The following PPM1H variants were observed in gnomAD, a reference collection of about 807,000 sequenced individuals.
PPM1H encodes protein phosphatase, Mg2+/Mn2+ dependent 1H, also known as protein phosphatase 1H.
A neutral mutation model predicts 54.9 loss-of-function variants in PPM1H; 27 were observed. The ratio of observed to expected loss-of-function variants is 0.49; its 90% CI spans 0.36 to 0.68. The LOEUF (loss-of-function observed/expected upper bound fraction) is 0.68. Ranked by LOEUF, PPM1H falls within the 30% of genes least tolerant of loss-of-function variation. The pLI, the probability that PPM1H is intolerant of heterozygous loss-of-function variation, is 0.00. For missense variants in PPM1H, 596 were observed against 667.8 expected, an observed-to-expected ratio of 0.89 and a Z score of 1.19; for synonymous variants, 305 against 270.8, an observed-to-expected ratio of 1.13 and a Z score of -1.24.
At chr12:62,742,584 C>T (rs2076387850) in intron 4 of PPM1H, among the ~76,000 whole-genome samples, 2 of 152,198 alleles carry the variant, frequency 1.3e-5, no homozygotes, top group Non-Finnish European at 2.9e-5. Flanking sequence ...CACAGGACCC[C>T]TGTACTTCCT....
At chr12:62,837,056 G>C (rs1868523226) in intron 1 of PPM1H, among the ~76,000 whole-genome samples, 1 of 152,102 alleles carries the variant, frequency 6.6e-6, no homozygotes. Flanking sequence ...TACTTAAAAG[G>C]AGCAAATGAT....
chr12:62,692,418 CAAG>C (rs2076088253), intron 7 of PPM1H, among the ~76,000 whole-genome samples: 1 of 152,272 alleles, frequency 6.6e-6, no homozygotes, highest in African/African-American at 2.4e-5. Context: ...TATAAACTTC[CAAG>C]AATACATCAT....
In PPM1H at chr12:62,934,805, G is replaced by A. The variant is rs535051249; in HGVS notation, c.-69C>T. 7 of 1,323,368 alleles carry A rather than the reference G, an allele frequency of 5.3e-6. No homozygotes were observed. The highest frequency in any genetic ancestry group is 4.9e-5 in the South Asian group (2 of 40,712). 82.0% of individuals were successfully genotyped at this position (1,323,368 alleles called of 1,614,324 possible). Reference sequence around the variant, plus strand: ...GGGGGCCGGGCAAGGCGCAGCGCGGGGCATGCAGGCTGCGGTGGGCGCCGG... The same window carrying A: ...GGGGGCCGGGCAAGGCGCAGCGCGGAGCATGCAGGCTGCGGTGGGCGCCGG... On this transcript the variant is annotated 5_prime_UTR_variant, in exon 1 of 10. Transcript: ENST00000228705. The surrounding 1 kb of genome is among the most constrained non-coding windows in gnomAD (Gnocchi z 4.2).
chr12:62,893,111 T>C (rs1027739209), intron 1 of PPM1H, among the ~76,000 whole-genome samples: 2 of 152,192 alleles, frequency 1.3e-5, no homozygotes, highest in Non-Finnish European at 2.9e-5. Flanking sequence ...GAGCTAAGGA[T>C]AGCTTTCATA....
At chr12:62,764,920 T>C (rs2076532181) in intron 4 of PPM1H, among the ~76,000 whole-genome samples, 1 of 152,184 alleles carries the variant, frequency 6.6e-6, no homozygotes, top group Admixed American at 6.5e-5. Context: ...TGTGAGGAGC[T>C]GGACAAAGCC....
intron 1 of PPM1H, among the ~76,000 whole-genome samples, chr12:62,883,928 A>G (rs1179879945): frequency 7.0e-6 from 1 of 143,614 alleles, no homozygotes; most frequent in Non-Finnish European, 1.5e-5. Context: ...TATTTCTTAG[A>G]TTCTCAGTAT....
intron 4 of PPM1H, among the ~76,000 whole-genome samples, chr12:62,748,752 GTAAT>G (rs2076426159): frequency 6.6e-6 from 1 of 152,188 alleles, no homozygotes; most frequent in African/African-American, 2.4e-5. Context: ...ATATATGTGA[GTAAT>G]TGGTGGTAGG....
chr12:62,868,376 C>A (rs1333738691), intron 1 of PPM1H, among the ~76,000 whole-genome samples: 1 of 152,176 alleles, frequency 6.6e-6, no homozygotes, highest in East Asian at 1.9e-4. Context: ...ATCCACAAAG[C>A]CTTCCCTGCC....
chr12:62,701,664 G>A (rs1005421753), intron 6 of PPM1H, among the ~76,000 whole-genome samples: 1 of 151,532 alleles, frequency 6.6e-6, no homozygotes, highest in African/African-American at 2.4e-5. Context: ...TGTAACAATG[G>A]CTTTCTTGTT....
chr12:62,718,549 C>T (rs1365380057), intron 6 of PPM1H, among the ~76,000 whole-genome samples: 24 of 152,170 alleles, frequency 1.6e-4, no homozygotes, highest in Admixed American at 1.4e-3. Flanking sequence ...CATGTTCCCT[C>T]AGTACCAGCC....
chr12:62,650,282 G>A (rs562448124), intron 9 of PPM1H, among the ~76,000 whole-genome samples: 2 of 152,300 alleles, frequency 1.3e-5, no homozygotes, highest in Middle Eastern at 6.8e-3. Flanking sequence ...GGATATTATA[G>A]TCAATACAAA....
rs558857760 is a variant in PPM1H at position 62,747,698 on chromosome 12, A to G, written c.870-10112T>C. On this transcript the variant is annotated intron_variant, in intron 4 of 9. Coordinates refer to ENST00000228705, the MANE Select transcript of PPM1H (RefSeq NM_020700.2). ...ACACTTCAGCCCTTCTGCCCTCTCA[A>G]GGTAAAAACCTTTTGTCTTAAAACC... 2.2e-4 allele frequency among the ~76,000 whole-genome samples: 33 copies of G among 152,332 alleles called. 1 individual carries two copies. Among genetic ancestry groups the G allele is most frequent in the African/African-American group, 4.8e-4 (20 of 41,584 alleles).
chr12:62,720,424 T>A, intron 5 of PPM1H, 135 bp from the exon 6 acceptor site: 1 of 636,058 alleles, frequency 1.6e-6, no homozygotes, highest in Admixed American at 2.9e-5. Flanking sequence ...TTTAAGTAAA[T>A]AGATTTCAGA....
intron 1 of PPM1H, among the ~76,000 whole-genome samples, chr12:62,874,085 C>G (rs1870080875): frequency 6.6e-6 from 1 of 152,088 alleles, no homozygotes; most frequent in Non-Finnish European, 1.5e-5. Flanking sequence ...ATCATGAGCC[C>G]CACCCTAGAC....
Position 62,934,165 on chromosome 12 carries a change from A to G in PPM1H, c.245+327T>C. ...TTTCCTTATGTGTTTCAAACTTCAG[A>G]GCTTTTCTGCCCGTTTTTTTTCCCC... On this transcript the variant is annotated intron_variant, in intron 1 of 9. Transcript: ENST00000228705. The surrounding 1 kb of genome is among the most constrained non-coding windows in gnomAD (Gnocchi z 4.2). 3.4e-6 allele frequency: 1 copy of G among 294,290 alleles called. No individual in the cohort carries two copies. The highest frequency in any genetic ancestry group is 6.3e-6 in the Non-Finnish European group (1 of 158,738). The allele number at this position is 294,290 out of a possible 1,614,324, so 18.2% of individuals were successfully genotyped here.
intron 8 of PPM1H, among the ~76,000 whole-genome samples, chr12:62,673,477 A>G (rs2075967679): frequency 6.6e-6 from 1 of 152,112 alleles, no homozygotes; most frequent in African/African-American, 2.4e-5. Context: ...GAATCCATCA[A>G]TTCTTCCATT....
At chr12:62,676,224 A>G (rs1207797972) in intron 8 of PPM1H, among the ~76,000 whole-genome samples, 1 of 152,194 alleles carries the variant, frequency 6.6e-6, no homozygotes, top group Non-Finnish European at 1.5e-5. Flanking sequence ...TGAGACTACA[A>G]TATGGACGCA....
chr12:62,702,439 AT>A (rs2076148637), intron 6 of PPM1H, among the ~76,000 whole-genome samples: 1 of 151,878 alleles, frequency 6.6e-6, no homozygotes, highest in African/African-American at 2.4e-5. Flanking sequence ...CCCTACTCTG[AT>A]TGCTTAACCC....
At chr12:62,895,892 TC>T (rs1228066588) in intron 1 of PPM1H, among the ~76,000 whole-genome samples, 1 of 152,104 alleles carries the variant, frequency 6.6e-6, no homozygotes, top group Non-Finnish European at 1.5e-5. Flanking sequence ...CAACTAAACC[TC>T]CTTTCTTTAT....
Sources: allele counts gnomAD v4.1 joint callset (sites outside exome capture counted in the v4.1 genomes callset), GRCh38; gene constraint gnomAD v4.1.1; non-coding constraint Gnocchi (gnomAD v3.1); transcripts MANE v1.5; gene names NCBI Gene and HGNC (gene_info 2026-07-23, HGNC 2026-07-21).